CNTLN: variants seen among roughly 807,000 people sequenced by gnomAD.
CNTLN encodes centlein.
A neutral mutation model predicts 180.0 loss-of-function variants in CNTLN; 212 were observed. The observed-to-expected ratio is 1.18, with a 90% CI of 1.05 to 1.32. CNTLN has a LOEUF of 1.32. CNTLN is among the 40% of genes most tolerant of loss of function. CNTLN has a pLI of 0.00. For missense variants in CNTLN, 2,095 were observed against 1,610.9 expected, an observed-to-expected ratio of 1.30 and a Z score of -5.14; for synonymous variants, 722 against 563.1, an observed-to-expected ratio of 1.28 and a Z score of -3.99.
chr9:17,176,704 C>T (rs1371081887), intron 2 of CNTLN, among the ~76,000 whole-genome samples: 1 of 152,190 alleles, frequency 6.6e-6, no homozygotes, highest in Non-Finnish European at 1.5e-5. Flanking sequence ...AGTAAATTAT[C>T]TGAACCTGGA....
At chr9:17,258,797 A>G (rs1051539579) in intron 5 of CNTLN, among the ~76,000 whole-genome samples, 3 of 145,600 alleles carry the variant, frequency 2.1e-5, no homozygotes, top group African/African-American at 8.0e-5. Flanking sequence ...GTGTATAAGA[A>G]TGCTTGTGAT....
At chr9:17,492,179 G>C (rs1833201215) in intron 25 of CNTLN, among the ~76,000 whole-genome samples, 1 of 151,786 alleles carries the variant, frequency 6.6e-6, no homozygotes, top group Admixed American at 6.6e-5. Flanking sequence ...CGTATCACTA[G>C]AATGTGATTA....
intron 2 of CNTLN, among the ~76,000 whole-genome samples, chr9:17,181,132 T>C (rs1227802968): frequency 2.0e-5 from 3 of 152,240 alleles, no homozygotes; most frequent in African/African-American, 7.2e-5. Context: ...TCTTTGTATA[T>C]TTATTGACCT....
At chr9:17,234,963 G>T (rs898180247) in intron 3 of CNTLN, among the ~76,000 whole-genome samples, 1 of 152,176 alleles carries the variant, frequency 6.6e-6, no homozygotes, top group Non-Finnish European at 1.5e-5. Context: ...GATTGGGAAG[G>T]TGAGGGCTGG....
At chr9:17,350,816 G>A (rs7028779) in intron 12 of CNTLN, among the ~76,000 whole-genome samples, 90,899 of 151,848 alleles carry the variant, frequency 0.6, 27,453 homozygotes, top group East Asian at 0.73. Context: ...CCCCATCTCC[G>A]ACTATCATCA....
At chr9:17,164,839 T>C (rs1819953709) in intron 2 of CNTLN, among the ~76,000 whole-genome samples, 1 of 134,540 alleles carries the variant, frequency 7.4e-6, no homozygotes, top group Non-Finnish European at 1.6e-5. Context: ...TCTTTCTTTC[T>C]TTTTTTTTTT....
intron 23 of CNTLN, among the ~76,000 whole-genome samples, chr9:17,475,126 C>T (rs1009243905): frequency 1.3e-5 from 2 of 152,114 alleles, no homozygotes; most frequent in Non-Finnish European, 2.9e-5. Flanking sequence ...TCCTCCTCTT[C>T]CTTATATTCA....
the CNTLN span, among the ~76,000 whole-genome samples, chr9:17,520,329 A>G: frequency 1.3e-5 from 2 of 152,212 alleles, no homozygotes. Context: ...AGGGTTATAC[A>G]TATGTGGGAG....
chr9:17,502,302 T>A (rs781347348), intron 25 of CNTLN, among the ~76,000 whole-genome samples: 4 of 152,368 alleles, frequency 2.6e-5, no homozygotes, highest in Admixed American at 6.5e-5. Flanking sequence ...ACATGGTCAG[T>A]AAACCATGAA....
At chr9:17,282,370 G>A (rs1828718131) in intron 6 of CNTLN, among the ~76,000 whole-genome samples, 1 of 152,158 alleles carries the variant, frequency 6.6e-6, no homozygotes, top group South Asian at 2.1e-4. Context: ...TATGTTTGTT[G>A]GCATCATAAA....
intron 15 of CNTLN, among the ~76,000 whole-genome samples, chr9:17,406,895 C>A (rs961004945): frequency 5.9e-5 from 9 of 151,692 alleles, no homozygotes; most frequent in African/African-American, 2.2e-4. Flanking sequence ...CCAATCAAAT[C>A]TAAACAGTTT....
chr9:17,263,833 A>G (rs1282302685), intron 5 of CNTLN, among the ~76,000 whole-genome samples: 1 of 143,206 alleles, frequency 7.0e-6, no homozygotes, highest in Non-Finnish European at 1.5e-5. Flanking sequence ...TGGCTGCATA[A>G]ATGTCTTCTT....
chr9:17,327,047 T>C (rs758691605), intron 8 of CNTLN, among the ~76,000 whole-genome samples: 3 of 152,132 alleles, frequency 2.0e-5, no homozygotes, highest in Non-Finnish European at 2.9e-5. Context: ...ACCATACTAA[T>C]TTAAGATGTT....
chr9:17,203,318 G>A (rs189247229), intron 2 of CNTLN, among the ~76,000 whole-genome samples: 1 of 152,112 alleles, frequency 6.6e-6, no homozygotes, highest in Non-Finnish European at 1.5e-5. Context: ...TGTGTCTTGT[G>A]GTTGCTCTTC....
chr9:17,268,601 C>G (rs541708631), intron 5 of CNTLN, among the ~76,000 whole-genome samples: 51 of 152,294 alleles, frequency 3.3e-4, no homozygotes, highest in Admixed American at 2.9e-3. Flanking sequence ...GCAGAGGTTA[C>G]TGCTGTCTTT....
intron 16 of CNTLN, among the ~76,000 whole-genome samples, chr9:17,414,282 T>A (rs1564085278): frequency 6.6e-6 from 1 of 152,208 alleles, no homozygotes; most frequent in Admixed American, 6.5e-5. Flanking sequence ...TTTTTTGCCA[T>A]GTTAGAAATA....
chr9:17,166,294 C>T (rs1389096461), intron 2 of CNTLN, among the ~76,000 whole-genome samples: 1 of 151,808 alleles, frequency 6.6e-6, no homozygotes. Flanking sequence ...GGCTAGAAGA[C>T]GAGGTTGAAT....
chr9:17,309,336 AAT>A (rs1195228997), intron 8 of CNTLN, 84 bp downstream of exon 8: 20 of 1,155,460 alleles, frequency 1.7e-5, no homozygotes, highest in Non-Finnish European at 2.4e-5. Flanking sequence ...TAAAAATTTA[AAT>A]ATATTTGCAT....
At chr9:17,187,995 C>T (rs1359687062) in intron 2 of CNTLN, among the ~76,000 whole-genome samples, 3 of 133,858 alleles carry the variant, frequency 2.2e-5, no homozygotes, top group African/African-American at 8.7e-5. Flanking sequence ...ATTATATATA[C>T]ACTATATATA....
Sources: gnomAD v4.1 joint callset for allele counts (sites outside exome capture counted in the v4.1 genomes callset) on GRCh38, gnomAD v4.1.1 for gene constraint, MANE v1.5 for transcripts, NCBI Gene and HGNC (gene_info 2026-07-23, HGNC 2026-07-21) for gene names.